SCHIP1: variants seen among roughly 807,000 people sequenced by gnomAD.
SCHIP1 encodes the protein schwannomin interacting protein 1.
In SCHIP1, 8 loss-of-function variants were observed where a neutral mutation model predicts 29.7. The observed-to-expected ratio is 0.27, with a 90% CI of 0.16 to 0.49. SCHIP1 has a LOEUF of 0.49. Among genes scored for constraint, SCHIP1 ranks in the 20% least tolerant of loss-of-function variants. SCHIP1 has a pLI of 0.99. For missense variants in SCHIP1, 193 were observed against 294.6 expected, an observed-to-expected ratio of 0.66 and a Z score of 2.52; for synonymous variants, 76 against 94.9, an observed-to-expected ratio of 0.80 and a Z score of 1.16.
At chr3:159,510,944 G>A in the SCHIP1 span, among the ~76,000 whole-genome samples, 22 of 152,212 alleles carry the variant, frequency 1.4e-4, no homozygotes, top group East Asian at 3.8e-4. Context: ...CAGTCTGTCC[G>A]TTCTCAGATC....
intron 4 of SCHIP1, 62 bp downstream of exon 5, chr3:159,887,967 C>T (rs1560097681): frequency 6.3e-7 from 1 of 1,580,622 alleles, no homozygotes; most frequent in Non-Finnish European, 8.6e-7. Flanking sequence ...TGACACTGTC[C>T]CAGTCCTTTC....
At chr3:159,281,024 C>T in the SCHIP1 span, among the ~76,000 whole-genome samples, 2 of 152,292 alleles carry the variant, frequency 1.3e-5, no homozygotes, top group South Asian at 2.1e-4. Flanking sequence ...GTGGGGCAAT[C>T]GTGGCTGTGG....
chr3:159,750,039 C>G, the SCHIP1 span, among the ~76,000 whole-genome samples: 11 of 151,948 alleles, frequency 7.2e-5, no homozygotes, highest in African/African-American at 2.7e-4. Context: ...TAAACCTCTT[C>G]TAAGTTCTTT....
the SCHIP1 span, among the ~76,000 whole-genome samples, chr3:159,494,907 TATGATC>T: frequency 5.9e-5 from 9 of 152,128 alleles, no homozygotes; most frequent in Admixed American, 5.9e-4. Flanking sequence ...GCTTATCCAC[TATGATC>T]AAGTGGGCTT....
the SCHIP1 span, among the ~76,000 whole-genome samples, chr3:159,407,165 G>T: frequency 6.6e-5 from 10 of 151,960 alleles, no homozygotes; most frequent in Admixed American, 1.3e-4. Flanking sequence ...CACATATAAA[G>T]ATATACATAA....
At chr3:159,842,993 A>ATTTTTTTTTTTTTTTTTTTTTTT (rs1744376437) in intron 1 of SCHIP1, among the ~76,000 whole-genome samples, 1 of 48,074 alleles carries the variant, frequency 2.1e-5, no homozygotes, top group Non-Finnish European at 4.7e-5. Context: ...CTATCCCAAT[A>ATTTTTTTTTTTTTTTTTTTTTTT]TTTCTTTCTT....
chr3:159,572,973 T>A, the SCHIP1 span, among the ~76,000 whole-genome samples: 1 of 151,756 alleles, frequency 6.6e-6, no homozygotes, highest in Admixed American at 6.6e-5. Flanking sequence ...TGGTAGACCT[T>A]CCTCCATCCT....
chr3:159,467,816 G>A, the SCHIP1 span, among the ~76,000 whole-genome samples: 204 of 152,180 alleles, frequency 1.3e-3, 2 homozygotes, highest in African/African-American at 4.8e-3. Flanking sequence ...GAGTTATTAT[G>A]GAATGTTGAA....
At chr3:159,426,306 AAGAG>A in the SCHIP1 span, among the ~76,000 whole-genome samples, 2 of 152,268 alleles carry the variant, frequency 1.3e-5, no homozygotes, top group African/African-American at 2.4e-5. Context: ...TAAAGAAAAA[AAGAG>A]AGAAGAATCA....
chr3:159,589,941 G>A, the SCHIP1 span, among the ~76,000 whole-genome samples: 1 of 152,164 alleles, frequency 6.6e-6, no homozygotes, highest in Non-Finnish European at 1.5e-5. Flanking sequence ...ATGAGCAAGT[G>A]AGAGAGTAGG....
the SCHIP1 span, among the ~76,000 whole-genome samples, chr3:159,611,076 G>A: frequency 0.17 from 26,071 of 151,986 alleles, 6,378 homozygotes; most frequent in African/African-American, 0.54. Flanking sequence ...GCAGTTAGGC[G>A]ACTTGGCCAT....
chr3:159,722,709 A>G, the SCHIP1 span, among the ~76,000 whole-genome samples: 2 of 152,138 alleles, frequency 1.3e-5, no homozygotes, highest in Non-Finnish European at 2.9e-5. Flanking sequence ...GTCTCGTTAA[A>G]TTGTTGAAAC....
chr3:159,407,889 C>A, the SCHIP1 span, among the ~76,000 whole-genome samples: 1 of 152,046 alleles, frequency 6.6e-6, no homozygotes, highest in Non-Finnish European at 1.5e-5. Flanking sequence ...GAAAGCAATA[C>A]TAAGAGAAGT....
At chr3:159,867,049 T>G (rs745598016) in intron 2 of SCHIP1, among the ~76,000 whole-genome samples, 11 of 152,154 alleles carry the variant, frequency 7.2e-5, no homozygotes, top group Admixed American at 2.0e-4. Context: ...TGCCATTCCA[T>G]AGGCTACTTT....
At chr3:159,593,958 G>A in the SCHIP1 span, among the ~76,000 whole-genome samples, 1 of 152,196 alleles carries the variant, frequency 6.6e-6, no homozygotes, top group Non-Finnish European at 1.5e-5. Context: ...GATCACCTCT[G>A]CTACTGGCCC....
At chr3:159,764,178 G>A in the SCHIP1 span, 2 of 429,292 alleles carry the variant, frequency 4.7e-6, no homozygotes, top group East Asian at 3.6e-5. The surrounding 1 kb of genome is among the most constrained non-coding windows in gnomAD (Gnocchi z 6.1). Context: ...CCCCTTGTAT[G>A]AAAAGTGTGC....
At chr3:159,322,453 T>C in the SCHIP1 span, among the ~76,000 whole-genome samples, 1 of 152,192 alleles carries the variant, frequency 6.6e-6, no homozygotes, top group Non-Finnish European at 1.5e-5. Context: ...CCAGCTCTGC[T>C]GTCAGAGTAC....
At chr3:159,866,403 C>A (rs1191682364) in intron 2 of SCHIP1, 122 bp downstream of exon 3, 1 of 873,370 alleles carries the variant, frequency 1.1e-6, no homozygotes, top group African/African-American at 1.7e-5. Context: ...CATAATACTG[C>A]CATCTTTATT....
the SCHIP1 span, among the ~76,000 whole-genome samples, chr3:159,293,232 CTTTG>C: frequency 1.2e-4 from 18 of 152,276 alleles, no homozygotes; most frequent in Non-Finnish European, 2.2e-4. Context: ...CTTTGAAGTT[CTTTG>C]TTTGAATATT....
Sources: allele counts gnomAD v4.1 joint callset (sites outside exome capture counted in the v4.1 genomes callset), GRCh38; gene constraint gnomAD v4.1.1; non-coding constraint Gnocchi (gnomAD v3.1); transcripts MANE v1.5; gene names NCBI Gene and HGNC (gene_info 2026-07-23, HGNC 2026-07-21).